Variants in CEP85 observed in about 807,000 individuals in gnomAD.
The protein encoded by CEP85 is centrosomal protein 85.
Under a neutral mutation model 93.7 loss-of-function variants are expected in CEP85, and 58 were observed. The ratio of observed to expected loss-of-function variants is 0.62; its 90% CI spans 0.50 to 0.77. The LOEUF (loss-of-function observed/expected upper bound fraction) is 0.77. CEP85 is among the 30% of genes least tolerant of loss of function. CEP85 has a pLI of 0.00. For synonymous variants in CEP85, 314 were observed against 338.6 expected (o/e 0.93, Z 0.80); for missense variants, 868 against 922.0 (o/e 0.94, Z 0.76).
rs1236333865 is a variant in CEP85 at position 26,255,784 on chromosome 1, G to C, written c.822G>C (p.Trp274Cys). The C allele has an allele frequency of 6.2e-7, 1 of 1,614,114 alleles. No individual in the cohort carries two copies. The highest frequency in any genetic ancestry group is 2.2e-5 in the East Asian group (1 of 44,890). Residue 274 changes from tryptophan (W) to cysteine (C), a missense_variant, in exon 4 of 14, where the codon TGG (tryptophan) becomes TGC (cysteine). Physicochemically the swap from Trp to Cys is radical, Grantham distance 215 (BLOSUM62 -2). Coordinates refer to ENST00000451429, the MANE Select transcript of CEP85 (RefSeq NM_001319944.2). ...TGTGGCAGCCGAGTCCTGACACTTG[G>C]CATCCCCGAGAGCAATCTTGTGAAC... The part of the protein sequence containing the change: ...SQVWQPSPDT[W>C]HPREQSCELS...
chr1:26,258,609 CT>C (rs759886417), intron 6 of CEP85, among the ~76,000 whole-genome samples: 617 of 139,826 alleles, frequency 4.4e-3, no homozygotes, highest in East Asian at 4.2e-3. Context: ...TATTCTCTCT[CT>C]TTTTTTTTTT....
chr1:26,248,325 C>T (rs189760778), intron 3 of CEP85, among the ~76,000 whole-genome samples: 1 of 151,782 alleles, frequency 6.6e-6, no homozygotes, highest in Admixed American at 6.6e-5. Flanking sequence ...TAGATTTTTC[C>T]CCCATTGAAA....
intron 2 of CEP85, among the ~76,000 whole-genome samples, chr1:26,242,319 AG>A (rs2089440769): frequency 6.6e-6 from 1 of 152,194 alleles, no homozygotes; most frequent in Admixed American, 6.5e-5. Context: ...AGAGAGAAAA[AG>A]CTGTGTAGAC....
In CEP85 at chr1:26,249,005, C is replaced by A. The variant is rs1001596004; in HGVS notation, c.208+4687C>A. The stretch of plus-strand genomic sequence containing the variant: ...CTTCTCAAAGTGCTGGGATTACAGG[C>A]GTGAGCCACCACGCCCAGGCCTAGA... On this transcript the variant is annotated intron_variant, in intron 3 of 13. Coordinates refer to ENST00000451429, the MANE Select transcript of CEP85 (RefSeq NM_001319944.2). Among the ~76,000 whole-genome samples the A allele has an allele frequency of 6.6e-5, 10 of 152,110 alleles. No homozygotes were observed. The East Asian group carries it at 1.5e-3, about 24-fold the overall frequency.
chr1:26,272,501 C>T (rs1048864275), intron 11 of CEP85: 15 of 171,206 alleles, frequency 8.8e-5, no homozygotes, highest in East Asian at 3.1e-4. Context: ...ATACTGCTGA[C>T]GTATCCACTT....
rs79549530 is a variant in CEP85, at chr1:26,247,476, T to C, written c.208+3158T>C. 5.9e-3 allele frequency among the ~76,000 whole-genome samples: 890 copies of C among 152,036 alleles called. 8 individuals are homozygous for C. The highest frequency in any genetic ancestry group is 0.021 in the African/African-American group (867 of 41,478). On this transcript the variant is annotated intron_variant, in intron 3 of 13. Transcript: ENST00000451429. ...AGCCAGGGACAGTGGTCTGTACCTA[T>C]AGTCCCAGCTGCTCCCAAGGCTGAG...
At chr1:26,268,104 T>C (rs573985593) in intron 7 of CEP85, among the ~76,000 whole-genome samples, 17 of 152,358 alleles carry the variant, frequency 1.1e-4, no homozygotes, top group African/African-American at 4.1e-4. Context: ...GCAAAATTTG[T>C]TTAGCTTCCT....
intron 5 of CEP85, 55 bp from the exon 6 acceptor site, chr1:26,258,088 C>T (rs748949630): frequency 2.1e-5 from 25 of 1,173,892 alleles, no homozygotes; most frequent in Non-Finnish European, 2.9e-5. Context: ...AGTAGGGGCT[C>T]ATATTGTGAG....
intron 2 of CEP85, among the ~76,000 whole-genome samples, 196 bp from the exon 3 acceptor site, chr1:26,243,970 G>A (rs1001311566): frequency 4.3e-5 from 6 of 138,012 alleles, no homozygotes; most frequent in Non-Finnish European, 9.0e-5. Flanking sequence ...TCAAGCCTGG[G>A]TGACAGAGCA....
At chr1:26,236,117 T>C (rs935298626) in intron 1 of CEP85, among the ~76,000 whole-genome samples, 1 of 152,228 alleles carries the variant, frequency 6.6e-6, no homozygotes, top group Admixed American at 6.5e-5. Context: ...CTGACTAGAC[T>C]ACTGTAGCGT....
rs71004573 is a variant in CEP85, at chr1:26,256,928, G to GGTGTGTGTGTGTGTGTGTGTGT, written c.904-662_904-641dup. Among the ~76,000 whole-genome samples the GGTGTGTGTGTGTGTGTGTGTGT allele has an allele frequency of 3.8e-3, 419 of 111,462 alleles. 10 individuals carry two copies. Among genetic ancestry groups the GGTGTGTGTGTGTGTGTGTGTGT allele is most frequent in the South Asian group, 8.6e-3 (30 of 3,506 alleles). 73.1% of individuals were successfully genotyped at this position (111,462 alleles called of 152,430 possible). Reference sequence around the variant, plus strand: ...TCCTTTTTTTGTTTTGTTTTGTTTTGGTGTGTGTGTGTGTGTGTGTGTGTG... The same window carrying GGTGTGTGTGTGTGTGTGTGTGT: ...TCCTTTTTTTGTTTTGTTTTGTTTTGGTGTGTGTGTGTGTGTGTGTGTGTGTGTGTGTGTGTGTGTGTGTGTG... On this transcript the variant is annotated intron_variant, in intron 4 of 13. Coordinates refer to ENST00000451429, the MANE Select transcript of CEP85 (RefSeq NM_001319944.2).
rs77216170 is a variant in CEP85, at chr1:26,253,156, A to G, written c.209-2015A>G. On this transcript the variant is annotated intron_variant, in intron 3 of 13. Coordinates refer to ENST00000451429, the MANE Select transcript of CEP85 (RefSeq NM_001319944.2). ...CGTCTGTTGATTCTATAACTTGGCTATTGTGAATAATTACTCAGTAAACAT... is the reference window on the plus strand; with the variant it reads ...CGTCTGTTGATTCTATAACTTGGCTGTTGTGAATAATTACTCAGTAAACAT... Among the ~76,000 whole-genome samples, 280 of 152,234 alleles carry G rather than the reference A, an allele frequency of 1.8e-3. 2 individuals are homozygous for G. Among genetic ancestry groups the G allele is most frequent in the African/African-American group, 5.7e-3 (237 of 41,528 alleles).
intron 3 of CEP85, among the ~76,000 whole-genome samples, chr1:26,250,780 A>T (rs1205461483): frequency 6.6e-6 from 1 of 152,086 alleles, no homozygotes; most frequent in Non-Finnish European, 1.5e-5. Context: ...ACTTATACAG[A>T]AAAGATGTTT....
chr1:26,239,898 C>T (rs916537485), intron 2 of CEP85, 60 bp downstream of exon 2: 13 of 1,258,490 alleles, frequency 1.0e-5, no homozygotes, highest in Non-Finnish European at 1.5e-5. Flanking sequence ...TTTCATATTC[C>T]TTAAGGTAAA....
intron 3 of CEP85, among the ~76,000 whole-genome samples, chr1:26,246,904 A>G (rs1389168045): frequency 1.3e-5 from 2 of 152,166 alleles, no homozygotes; most frequent in East Asian, 1.9e-4. Flanking sequence ...TGTATATTGC[A>G]TGATTCCCTT....
chr1:26,261,739 AAAT>A (rs1244112360), intron 7 of CEP85, among the ~76,000 whole-genome samples: 1 of 100,730 alleles, frequency 9.9e-6, no homozygotes, highest in Non-Finnish European at 2.2e-5. Flanking sequence ...AAAAAAAAAA[AAAT>A]TTTTTTTTTC....
chr1:26,251,345 G>A lies in CEP85; in HGVS notation c.209-3826G>A, dbSNP rs192432949. On this transcript the variant is annotated intron_variant, in intron 3 of 13. Coordinates refer to ENST00000451429, the MANE Select transcript of CEP85 (RefSeq NM_001319944.2). ...CGGCTCACTGCAACGTCTGCCTCCC[G>A]GTTTCAGGCGATTCTCCTGCCTCAG... Among the ~76,000 whole-genome samples, 12 of 144,250 alleles carry A rather than the reference G, an allele frequency of 8.3e-5. No individual in the cohort carries two copies. In the East Asian group the frequency reaches 1.5e-3, roughly 18 times the overall value. 94.6% of individuals were successfully genotyped at this position (144,250 alleles called of 152,430 possible).
At chr1:26,265,003 T>A (rs1386661320) in intron 7 of CEP85, among the ~76,000 whole-genome samples, 41 of 129,840 alleles carry the variant, frequency 3.2e-4, no homozygotes, top group African/African-American at 1.2e-3. Flanking sequence ...TTTTTTTTTT[T>A]AGATAGAGTC....
At chr1:26,242,321 C>T (rs1044124448) in intron 2 of CEP85, among the ~76,000 whole-genome samples, 1 of 152,170 alleles carries the variant, frequency 6.6e-6, no homozygotes, top group Non-Finnish European at 1.5e-5. Context: ...AGAGAAAAAG[C>T]TGTGTAGACT....
Sources: allele counts gnomAD v4.1 joint callset (sites outside exome capture counted in the v4.1 genomes callset), GRCh38; gene constraint gnomAD v4.1.1; transcripts MANE v1.5; gene names NCBI Gene and HGNC (gene_info 2026-07-23, HGNC 2026-07-21).